WDR36: variants seen among roughly 807,000 people sequenced by gnomAD.
The protein encoded by WDR36 is WD repeat domain 36, also known as WD repeat-containing protein 36.
In WDR36, 63 loss-of-function variants were observed where a neutral mutation model predicts 112.7. The observed-to-expected ratio is 0.56, with a 90% CI of 0.46 to 0.69. The LOEUF is 0.69. Ranked by LOEUF, WDR36 falls within the 30% of genes least tolerant of loss-of-function variation. The probability of loss-of-function intolerance (pLI) is 0.00; values close to 1 mark genes in which losing one functional copy is unlikely to be tolerated. For missense variants in WDR36, 1,226 were observed against 1,070.3 expected, an observed-to-expected ratio of 1.15 and a Z score of -2.03; for synonymous variants, 410 against 362.2, an observed-to-expected ratio of 1.13 and a Z score of -1.50.
rs763320944 is a variant in WDR36, at chr5:111,105,331, A to G, written c.1064A>G (p.His355Arg). 6.2e-7 allele frequency: 1 copy of G among 1,610,164 alleles called. No individual in the cohort carries two copies. The highest frequency in any genetic ancestry group is 1.1e-5 in the South Asian group (1 of 91,016). Residue 355 changes from histidine (H) to arginine (R), a missense_variant, in exon 10 of 23, where the codon CAT becomes CGT. By Grantham distance (29) the His-to-Arg change is conservative. Transcript: ENST00000513710. The part of the protein sequence containing the change: ...DGTLQSFSTV[H>R]EKFNKSLGHG... ...ACTCTTCAGTCATTTTCCACGGTAC[A>G]TGAAAAATTCAATAAGAGCTTGGGA...
At chr5:111,107,198 T>C (rs917321648) in intron 11 of WDR36, 96 bp from the exon 12 acceptor site, 1 of 1,402,276 alleles carries the variant, frequency 7.1e-7, no homozygotes, top group African/African-American at 1.4e-5. Flanking sequence ...GTTTTACCAT[T>C]GTATCCCTAG....
intron 22 of WDR36, 127 bp from the exon 23 acceptor site, chr5:111,126,606 TA>T: frequency 9.4e-7 from 1 of 1,061,520 alleles, no homozygotes; most frequent in Non-Finnish European, 1.4e-6. Context: ...GAGATAGTAA[TA>T]AACCAGCGCT....
At chr5:111,118,939 G>A in intron 16 of WDR36, 74 bp from the exon 17 acceptor site, 1 of 1,249,230 alleles carries the variant, frequency 8.0e-7, no homozygotes, top group South Asian at 1.2e-5. Flanking sequence ...TATCTTTTTG[G>A]CAAAAATATT....
At chr5:111,097,212 A>C (rs777911985) in intron 3 of WDR36, 33 bp downstream of exon 3, 2 of 1,518,730 alleles carry the variant, frequency 1.3e-6, no homozygotes, top group African/African-American at 1.4e-5. Context: ...TTTGTCAGTC[A>C]GTATTTGTTT....
At chr5:111,121,687 C>T (rs866763905) in intron 19 of WDR36, among the ~76,000 whole-genome samples, 26 of 152,188 alleles carry the variant, frequency 1.7e-4, no homozygotes, top group African/African-American at 6.3e-4. Context: ...GAAAAAACAG[C>T]CCCTTTGTCC....
intron 11 of WDR36, among the ~76,000 whole-genome samples, chr5:111,106,387 A>T (rs552875234): frequency 6.6e-6 from 1 of 151,566 alleles, no homozygotes; most frequent in South Asian, 2.1e-4. Flanking sequence ...ATTTGATTTT[A>T]TAGCCTTTTT....
intron 16 of WDR36, among the ~76,000 whole-genome samples, chr5:111,114,806 A>G (rs1360681701): frequency 6.6e-6 from 1 of 152,192 alleles, no homozygotes; most frequent in Non-Finnish European, 1.5e-5. Context: ...AAAATAAGAA[A>G]GTTGTATAAA....
rs369810645 is a variant in WDR36, at chr5:111,092,511, G to A, written c.55G>A (p.Ala19Thr). Reference protein sequence around the residue: ...TASALFAGFRALGLFSNDIPH... With the variant: ...TASALFAGFRTLGLFSNDIPH... The stretch of plus-strand genomic sequence containing the variant: ...CAGCGCGCTTTTTGCGGGGTTCCGG[G>A]CCTTGGGACTTTTCAGCAACGACAT... Residue 19 changes from alanine to threonine, a missense_variant, in exon 1 of 23, where the codon GCC becomes ACC. Ala to Thr is a moderately conservative substitution (Grantham distance 58). Transcript: ENST00000513710. The A allele has an allele frequency of 2.5e-6, 4 of 1,614,216 alleles. No individual in the cohort carries two copies. The highest frequency in any genetic ancestry group is 1.7e-5 in the Admixed American group (1 of 60,030).
chr5:111,120,407 G>A (rs1580403397), intron 17 of WDR36, 89 bp from the exon 18 acceptor site: 7 of 1,046,148 alleles, frequency 6.7e-6, no homozygotes, highest in Non-Finnish European at 1.0e-5. Context: ...ACTAATAAAA[G>A]TCTGTAGTCA....
chr5:111,099,838 G>C (rs942290997), intron 4 of WDR36, among the ~76,000 whole-genome samples: 5 of 152,070 alleles, frequency 3.3e-5, no homozygotes, highest in Admixed American at 3.3e-4. Flanking sequence ...TAGTGTGCCA[G>C]ATAGTATGTG....
intron 3 of WDR36, 120 bp downstream of exon 3, chr5:111,097,299 T>G (rs1753013913): frequency 1.3e-6 from 1 of 743,870 alleles, no homozygotes; most frequent in African/African-American, 1.8e-5. Flanking sequence ...ATTCTTTTTT[T>G]TCTAATGTAT....
rs115201789 is a variant in WDR36 at position 111,114,158 on chromosome 5, G to A, written c.1796+1005G>A. On this transcript the variant is annotated intron_variant, in intron 16 of 22. Coordinates refer to ENST00000513710, the MANE Select transcript of WDR36 (RefSeq NM_139281.3). ...ACAGAGGAGACATACAGAATGTGTC[G>A]GCTTTGTTGTTAAAAATTAAGTAGG... Among the ~76,000 whole-genome samples, 776 of 152,194 alleles carry A rather than the reference G, an allele frequency of 5.1e-3. 2 individuals carry two copies. Among genetic ancestry groups the A allele is most frequent in the African/African-American group, 0.018 (735 of 41,538 alleles).
chr5:111,099,536 T>G (rs1469670285), intron 4 of WDR36, among the ~76,000 whole-genome samples: 1 of 150,188 alleles, frequency 6.7e-6, no homozygotes, highest in Non-Finnish European at 1.5e-5. Context: ...GGTTCTTGTT[T>G]CAGATTAGTA....
At chr5:111,099,638 A>C (rs1580391587) in intron 4 of WDR36, among the ~76,000 whole-genome samples, 1 of 151,950 alleles carries the variant, frequency 6.6e-6, no homozygotes, top group Non-Finnish European at 1.5e-5. Flanking sequence ...AAGGGCTTTT[A>C]TTAGGTTACA....
chr5:111,129,123 A>G lies in WDR36; in HGVS notation c.*2240A>G, dbSNP rs1340996294. 1 of 198,250 alleles carries G rather than the reference A, an allele frequency of 5.0e-6. No individual in the cohort carries two copies. The highest frequency in any genetic ancestry group is 1.0e-5 in the Non-Finnish European group (1 of 95,794). The allele number at this position is 198,250 out of a possible 1,614,324, so 12.3% of individuals were successfully genotyped here. On this transcript the variant is annotated 3_prime_UTR_variant, in exon 23 of 23. Transcript: ENST00000513710. Reference sequence around the variant, plus strand: ...TACCTAATCTCTTGTGCACTGTCCAACAGTACTTTGCCTATAATAGACACT... The same window carrying G: ...TACCTAATCTCTTGTGCACTGTCCAGCAGTACTTTGCCTATAATAGACACT...
intron 1 of WDR36, among the ~76,000 whole-genome samples, chr5:111,093,025 G>A (rs1752900286): frequency 6.6e-6 from 1 of 152,238 alleles, no homozygotes; most frequent in South Asian, 2.1e-4. Flanking sequence ...ACTCTAGGTA[G>A]AATACATTGG....
intron 19 of WDR36, 145 bp downstream of exon 19, chr5:111,121,286 T>C: frequency 1.2e-6 from 1 of 806,728 alleles, no homozygotes; most frequent in Non-Finnish European, 2.0e-6. Flanking sequence ...TTTAATCAAA[T>C]ATTGTTTAAT....
intron 16 of WDR36, 93 bp downstream of exon 16, chr5:111,113,246 CT>C: frequency 8.6e-6 from 6 of 699,994 alleles, no homozygotes; most frequent in Admixed American, 2.0e-5. Flanking sequence ...GGGTTATATG[CT>C]TTTTCAATGT....
At position 111,110,929 on chromosome 5, in the gene WDR36, A is replaced by T; in HGVS notation, c.1583A>T (p.Asn528Ile). ...IHSVSLSSSP[N>I]IMLLHRDSGI... ...TCTGTGAGCCTCAGTTCATCTCCAA[A>T]TATCATGTTGCTACATAGGGACAGG... The change falls in exon 14 of 23, where the codon AAT becomes ATT. Residue 528 changes from asparagine (N) to isoleucine (I), a missense_variant. Asn to Ile is a moderately radical substitution (Grantham distance 149, BLOSUM62 -3). Coordinates refer to ENST00000513710, the MANE Select transcript of WDR36 (RefSeq NM_139281.3). The T allele has an allele frequency of 2.5e-6, 4 of 1,611,366 alleles. No individual in the cohort carries two copies. The highest frequency in any genetic ancestry group is 3.4e-6 in the Non-Finnish European group (4 of 1,178,390).
Sources: allele counts gnomAD v4.1 joint callset (sites outside exome capture counted in the v4.1 genomes callset), GRCh38; gene constraint gnomAD v4.1.1; transcripts MANE v1.5; gene names NCBI Gene and HGNC (gene_info 2026-07-23, HGNC 2026-07-21).